The following FBXL7 variants were observed in gnomAD, a reference collection of about 807,000 sequenced individuals.
FBXL7 encodes F-box/LRR-repeat protein 7.
Under a neutral mutation model 38.3 loss-of-function variants are expected in FBXL7, and 12 were observed. The ratio of observed to expected loss-of-function variants is 0.31; its 90% CI spans 0.20 to 0.51. The LOEUF (loss-of-function observed/expected upper bound fraction) is 0.51. Ranked by LOEUF, FBXL7 falls within the 20% of genes least tolerant of loss-of-function variation. The pLI is 0.98. For missense variants in FBXL7, 567 were observed against 676.4 expected (o/e 0.84, Z 1.79); for synonymous variants, 297 against 300.9 (o/e 0.99, Z 0.13).
chr5:15,645,293 C>A (rs1014067256), intron 2 of FBXL7, among the ~76,000 whole-genome samples: 1 of 152,138 alleles, frequency 6.6e-6, no homozygotes, highest in Non-Finnish European at 1.5e-5. Context: ...GGCCAACCTG[C>A]CTCCCATTCT....
intron 2 of FBXL7, among the ~76,000 whole-genome samples, chr5:15,624,358 C>T (rs1390106284): frequency 1.3e-5 from 2 of 152,138 alleles, no homozygotes; most frequent in East Asian, 1.9e-4. Context: ...GGGTTAATTC[C>T]CATGAGAACA....
At position 15,937,202 on chromosome 5, in the gene FBXL7, C is replaced by T. The variant is rs1413243567; in HGVS notation, c.*16C>T. On this transcript the variant is annotated 3_prime_UTR_variant, in exon 4 of 4. Transcript: ENST00000504595. Reference sequence around the variant, plus strand: ...TTTCTTCTGAAGGGACAGAGTTCATCCGGCGTTGTATTCACACAAACCTGA... The same window carrying T: ...TTTCTTCTGAAGGGACAGAGTTCATTCGGCGTTGTATTCACACAAACCTGA... 6.4e-7 allele frequency: 1 copy of T among 1,561,338 alleles called. No individual in the cohort carries two copies. Among genetic ancestry groups the T allele is most frequent in the Non-Finnish European group, 8.7e-7 (1 of 1,152,664 alleles).
chr5:15,580,604 C>A, intron 1 of FBXL7: 2 of 985,290 alleles, frequency 2.0e-6, no homozygotes, highest in Non-Finnish European at 2.4e-6. Flanking sequence ...TGACTCCTTT[C>A]TTTTGTAACA....
chr5:15,934,659 A>G (rs1001277243), intron 3 of FBXL7, among the ~76,000 whole-genome samples: 12 of 152,218 alleles, frequency 7.9e-5, no homozygotes, highest in African/African-American at 2.9e-4. Flanking sequence ...CAAATAAAAG[A>G]CATTATCATT....
At chr5:15,623,976 T>C (rs1476242073) in intron 2 of FBXL7, among the ~76,000 whole-genome samples, 1 of 152,342 alleles carries the variant, frequency 6.6e-6, no homozygotes, top group East Asian at 1.9e-4. Context: ...GATGTGTACT[T>C]AATGCTTATT....
intron 2 of FBXL7, among the ~76,000 whole-genome samples, chr5:15,895,835 G>A (rs373687597): frequency 2.6e-5 from 4 of 151,196 alleles, no homozygotes; most frequent in South Asian, 2.1e-4. Context: ...TAGTAGAGAC[G>A]GGGTTTCACT....
At chr5:15,700,558 C>T (rs1743491241) in intron 2 of FBXL7, among the ~76,000 whole-genome samples, 1 of 152,184 alleles carries the variant, frequency 6.6e-6, no homozygotes, top group African/African-American at 2.4e-5. Flanking sequence ...ATGTGTCTTA[C>T]AAACTATAGC....
chr5:15,533,328 A>G (rs566941557), intron 1 of FBXL7, among the ~76,000 whole-genome samples: 2 of 152,298 alleles, frequency 1.3e-5, no homozygotes, highest in South Asian at 2.1e-4. Flanking sequence ...TTGTTTTCTT[A>G]TTTGGGCTCC....
intron 2 of FBXL7, among the ~76,000 whole-genome samples, chr5:15,811,314 G>A (rs1737853281): frequency 2.6e-5 from 4 of 152,264 alleles, no homozygotes; most frequent in Middle Eastern, 6.8e-3. Context: ...CTCTGGAGTC[G>A]AAAAGTCCAA....
intron 2 of FBXL7, among the ~76,000 whole-genome samples, chr5:15,877,572 T>C (rs1253369454): frequency 6.6e-6 from 1 of 152,086 alleles, no homozygotes; most frequent in African/African-American, 2.4e-5. Context: ...TAACAATGAA[T>C]AATAAAATAA....
intron 2 of FBXL7, among the ~76,000 whole-genome samples, chr5:15,699,347 G>C (rs1175679617): frequency 6.6e-6 from 1 of 152,170 alleles, no homozygotes; most frequent in African/African-American, 2.4e-5. Flanking sequence ...GACCTTCCCT[G>C]CCTCTTCCTA....
At chr5:15,723,051 C>T (rs1469475774) in intron 2 of FBXL7, among the ~76,000 whole-genome samples, 1 of 151,774 alleles carries the variant, frequency 6.6e-6, no homozygotes, top group African/African-American at 2.4e-5. Context: ...GATGTATGCA[C>T]ACATTATAAA....
At chr5:15,820,733 G>A (rs1561139386) in intron 2 of FBXL7, among the ~76,000 whole-genome samples, 1 of 152,084 alleles carries the variant, frequency 6.6e-6, no homozygotes, top group Non-Finnish European at 1.5e-5. Flanking sequence ...GGAATGCCTG[G>A]CTCCACACAG....
chr5:15,922,790 TA>T (rs1741777071), intron 2 of FBXL7, among the ~76,000 whole-genome samples: 1 of 152,208 alleles, frequency 6.6e-6, no homozygotes, highest in Non-Finnish European at 1.5e-5. Flanking sequence ...AATTTTCATA[TA>T]AATGTATATA....
At chr5:15,732,282 A>G (rs1735608212) in intron 2 of FBXL7, among the ~76,000 whole-genome samples, 17 of 152,208 alleles carry the variant, frequency 1.1e-4, no homozygotes, top group Admixed American at 1.1e-3. Context: ...TCACAGCTTA[A>G]GGGTCACTCT....
intron 2 of FBXL7, among the ~76,000 whole-genome samples, chr5:15,806,400 CAAAAT>C (rs1000106067): frequency 1.9e-4 from 29 of 151,306 alleles, no homozygotes; most frequent in Non-Finnish European, 4.1e-4. Context: ...AACAAAAAAA[CAAAAT>C]AAATCTCTCC....
At chr5:15,792,661 A>G (rs1042862467) in intron 2 of FBXL7, among the ~76,000 whole-genome samples, 1 of 152,150 alleles carries the variant, frequency 6.6e-6, no homozygotes, top group Admixed American at 6.5e-5. Context: ...AGGGGTCTGG[A>G]AAACTGACTC....
intron 2 of FBXL7, among the ~76,000 whole-genome samples, chr5:15,647,657 G>A (rs1045300951): frequency 5.3e-5 from 8 of 152,152 alleles, no homozygotes; most frequent in Non-Finnish European, 8.8e-5. Flanking sequence ...GTCCCAGAAA[G>A]AAGAACACTT....
intron 1 of FBXL7, among the ~76,000 whole-genome samples, chr5:15,593,335 C>T (rs1245959905): frequency 3.3e-5 from 5 of 152,016 alleles, no homozygotes; most frequent in African/African-American, 2.4e-5. Flanking sequence ...ACCTGCCTGG[C>T]CAACATTGTG....
Sources: allele counts gnomAD v4.1 joint callset (sites outside exome capture counted in the v4.1 genomes callset), GRCh38; gene constraint gnomAD v4.1.1; transcripts MANE v1.5; gene names NCBI Gene and HGNC (gene_info 2026-07-23, HGNC 2026-07-21).